Variants in UCHL5 observed in about 807,000 individuals in gnomAD.
UCHL5 encodes ubiquitin carboxyl-terminal hydrolase isozyme L5.
A neutral mutation model predicts 53.8 loss-of-function variants in UCHL5; 34 were observed. The ratio of observed to expected loss-of-function variants is 0.63; its 90% CI spans 0.48 to 0.84. The LOEUF is 0.84. Ranked by LOEUF, UCHL5 falls within the 40% of genes least tolerant of loss-of-function variation. UCHL5 has a pLI of 0.00. For synonymous variants in UCHL5, 111 were observed against 126.3 expected (o/e 0.88, Z 0.81); for missense variants, 290 against 385.6 (o/e 0.75, Z 2.08).
rs756591189 is a variant in UCHL5, at chr1:193,059,328, G to A, written c.-68C>T. 5.0e-6 allele frequency: 8 copies of A among 1,606,776 alleles called. No individual in the cohort carries two copies. The highest frequency in any genetic ancestry group is 5.1e-6 in the Non-Finnish European group (6 of 1,176,826). On this transcript the variant is annotated 5_prime_UTR_variant, in exon 1 of 11. Coordinates refer to ENST00000367454, the MANE Select transcript of UCHL5 (RefSeq NM_001199261.3). This position sits in a 1 kb window ranked among gnomAD's most constrained non-coding sequence, Gnocchi z 4.9. The stretch of plus-strand genomic sequence containing the variant: ...CTGCCCCCCGCACCAGCTGCCGCCG[G>A]CCACAGATCTCAGCAAACCCGCCGC...
At chr1:193,059,973 ATCCTCGCTAGGCCCGGCCGGACCAT>A (rs1395832864), upstream of UCHL5, 1 of 1,366,264 alleles carries the variant, frequency 7.3e-7, no homozygotes, top group Non-Finnish European at 9.8e-7. The surrounding 1 kb of genome is among the most constrained non-coding windows in gnomAD (Gnocchi z 4.9). Flanking sequence ...CGGTAGGGAC[ATCCTCGCTAGGCCCGGCCGGACCAT>A]TCCTCAGGGT....
chr1:193,049,720 C>T (rs755511115), intron 3 of UCHL5, 26 bp downstream of exon 3: 13 of 1,557,814 alleles, frequency 8.3e-6, no homozygotes, highest in African/African-American at 2.7e-5. Flanking sequence ...GCTCTTGAGA[C>T]TTTTCAGAGT....
At chr1:193,023,730 T>C (rs1446761017) in intron 8 of UCHL5, 114 bp downstream of exon 8, 1 of 758,472 alleles carries the variant, frequency 1.3e-6, no homozygotes, top group South Asian at 1.8e-5. Flanking sequence ...GAATCCAGTG[T>C]GTATTCGCTT....
At chr1:193,050,636 C>T (rs937112036) in intron 2 of UCHL5, among the ~76,000 whole-genome samples, 1 of 152,016 alleles carries the variant, frequency 6.6e-6, no homozygotes, top group African/African-American at 2.4e-5. Context: ...ATCCCGGCTA[C>T]CTGGGAGGCT....
intron 3 of UCHL5, among the ~76,000 whole-genome samples, chr1:193,048,673 C>G (rs1668082168): frequency 6.6e-6 from 1 of 152,084 alleles, no homozygotes; most frequent in Non-Finnish European, 1.5e-5. Flanking sequence ...CAACCAAAAG[C>G]AAAACAAAAC....
Position 193,023,826 on chromosome 1 carries a change from A to G in UCHL5, c.732+18T>C. 6.3e-7 allele frequency: 1 copy of G among 1,584,214 alleles called. No individual in the cohort carries two copies. On this transcript the variant is annotated intron_variant, in intron 8 of 10. Transcript: ENST00000367454. ...ATAACCAAGCTAGAACTTTGTACTT[A>G]GAAACATGGCCACGAACCTCTGCAA...
chr1:193,060,075 G>A (rs1672399009), upstream of UCHL5: 1 of 1,298,334 alleles, frequency 7.7e-7, no homozygotes, highest in Non-Finnish European at 1.0e-6. Flanking sequence ...GACGTCGAGA[G>A]GGCCTGCTTT....
intron 3 of UCHL5, among the ~76,000 whole-genome samples, chr1:193,043,135 G>C (rs1323476468): frequency 1.6e-5 from 1 of 63,632 alleles, no homozygotes; most frequent in African/African-American, 5.6e-5. Context: ...CTGGAGCCTT[G>C]ACAGCTCTTG....
At chr1:193,042,072 C>A (rs1443433580) in intron 3 of UCHL5, among the ~76,000 whole-genome samples, 1 of 151,620 alleles carries the variant, frequency 6.6e-6, no homozygotes, top group Non-Finnish European at 1.5e-5. Context: ...TGCCACTGCA[C>A]TCCAGCCTGG....
chr1:193,038,253 A>G (rs556823715), intron 3 of UCHL5, among the ~76,000 whole-genome samples: 1 of 151,956 alleles, frequency 6.6e-6, no homozygotes, highest in South Asian at 2.1e-4. Context: ...TCAGGAGATC[A>G]AGACCATCCT....
intron 1 of UCHL5, among the ~76,000 whole-genome samples, chr1:193,058,459 T>C (rs1482716114): frequency 6.6e-6 from 1 of 152,018 alleles, no homozygotes; most frequent in East Asian, 1.9e-4. Flanking sequence ...ACAAGATAAA[T>C]AGGGAAGGAT....
intron 7 of UCHL5, 35 bp downstream of exon 7, chr1:193,028,050 G>A: frequency 1.9e-6 from 3 of 1,591,698 alleles, no homozygotes; most frequent in Non-Finnish European, 1.7e-6. Context: ...TTAAAAAACA[G>A]AATATTATGC....
chr1:193,020,749 T>C (rs1656686326), intron 10 of UCHL5, among the ~76,000 whole-genome samples: 1 of 151,952 alleles, frequency 6.6e-6, no homozygotes, highest in South Asian at 2.1e-4. Context: ...AATTCTGTTA[T>C]ATCAACTCAA....
intron 3 of UCHL5, among the ~76,000 whole-genome samples, chr1:193,036,894 A>G (rs1225858618): frequency 6.6e-6 from 1 of 152,092 alleles, no homozygotes; most frequent in Non-Finnish European, 1.5e-5. Context: ...ACAACATGTT[A>G]CTAAATGATG....
At chr1:193,058,730 G>A (rs1671667393) in intron 1 of UCHL5, among the ~76,000 whole-genome samples, 1 of 152,268 alleles carries the variant, frequency 6.6e-6, no homozygotes, top group Admixed American at 6.5e-5. Flanking sequence ...GTTCCTGGGC[G>A]GCTTGAGCCG....
At chr1:193,031,077 T>C (rs1661198009) in intron 3 of UCHL5, among the ~76,000 whole-genome samples, 1 of 152,084 alleles carries the variant, frequency 6.6e-6, no homozygotes, top group Admixed American at 6.5e-5. Flanking sequence ...TATACGAATA[T>C]GTATTTTGAT....
At chr1:193,016,540 C>A in intron 10 of UCHL5, 145 bp from the exon 11 acceptor site, 1 of 674,720 alleles carries the variant, frequency 1.5e-6, no homozygotes, top group Non-Finnish European at 2.3e-6. Flanking sequence ...TGTTTTATAA[C>A]TTGAGACTTA....
chr1:193,027,993 C>A, intron 7 of UCHL5, 92 bp downstream of exon 7: 1 of 1,564,752 alleles, frequency 6.4e-7, no homozygotes, highest in Non-Finnish European at 8.6e-7. Flanking sequence ...AGTAGATGTT[C>A]AATGCACACT....
At chr1:193,031,013 G>C (rs1438938704) in intron 3 of UCHL5, among the ~76,000 whole-genome samples, 1 of 152,114 alleles carries the variant, frequency 6.6e-6, no homozygotes, top group African/African-American at 2.4e-5. Flanking sequence ...TAAAATTGAT[G>C]AATTAGGAAA....
Sources: allele counts gnomAD v4.1 joint callset (sites outside exome capture counted in the v4.1 genomes callset), GRCh38; gene constraint gnomAD v4.1.1; non-coding constraint Gnocchi (gnomAD v3.1); transcripts MANE v1.5; gene names NCBI Gene and HGNC (gene_info 2026-07-23, HGNC 2026-07-21).